Variants in BTBD9 observed in about 807,000 individuals in gnomAD.
BTBD9 encodes BTB/POZ domain-containing protein 9.
In BTBD9, 49 loss-of-function variants were observed where a neutral mutation model predicts 64.3. The ratio of observed to expected loss-of-function variants is 0.76; its 90% confidence interval spans 0.61 to 0.97. The LOEUF (loss-of-function observed/expected upper bound fraction) is 0.97, where lower values mean the gene tolerates loss of function less well. Among genes scored for constraint, BTBD9 ranks in the 50% least tolerant of loss-of-function variants. The pLI is 0.00. For synonymous variants in BTBD9, 260 were observed against 274.7 expected (o/e 0.95, Z 0.53); for missense variants, 598 against 762.1 (o/e 0.78, Z 2.53).
chr6:38,539,067 A>C (rs929076146), intron 6 of BTBD9, among the ~76,000 whole-genome samples: 1 of 152,118 alleles, frequency 6.6e-6, no homozygotes, highest in Admixed American at 6.5e-5. Flanking sequence ...CAGCCTCCCA[A>C]AGTGCTGGGA....
chr6:38,335,401 C>T lies in BTBD9; in HGVS notation c.1264+9583G>A, dbSNP rs140625944. ...CTGAGTAGCTGGAGCTACAGGCGTG[C>T]ACCACCAAACCTGGTTAATTTTTGT... On this transcript the variant is annotated intron_variant, in intron 7 of 10. Transcript: ENST00000481247. Among the ~76,000 whole-genome samples, 541 of 152,042 alleles carry T rather than the reference C, an allele frequency of 3.6e-3. 3 individuals are homozygous for T. The highest frequency in any genetic ancestry group is 0.012 in the African/African-American group (513 of 41,480).
chr6:38,377,286 G>A (rs1044735941), intron 6 of BTBD9, among the ~76,000 whole-genome samples: 7 of 151,972 alleles, frequency 4.6e-5, no homozygotes, highest in Non-Finnish European at 5.9e-5. Flanking sequence ...AAACCATGTC[G>A]GTCACAGCAA....
chr6:38,434,800 G>C (rs1396257193), intron 6 of BTBD9, among the ~76,000 whole-genome samples: 1 of 151,928 alleles, frequency 6.6e-6, no homozygotes, highest in Non-Finnish European at 1.5e-5. Flanking sequence ...GTTTTATATA[G>C]ACAGATATAT....
chr6:38,639,561 C>T (rs1778653391), intron 1 of BTBD9, among the ~76,000 whole-genome samples: 1 of 152,208 alleles, frequency 6.6e-6, no homozygotes. Flanking sequence ...ACCCCGAATC[C>T]CCGAAACGTC....
rs868201069 is a variant in BTBD9 at position 38,496,600 on chromosome 6, G to A, written c.1154+81000C>T. Among the ~76,000 whole-genome samples, 8 of 149,986 alleles carry A rather than the reference G, an allele frequency of 5.3e-5. 1 individual carries two copies. The South Asian group carries it at 1.5e-3, about 28-fold the overall frequency. On this transcript the variant is annotated intron_variant, in intron 6 of 10. Transcript: ENST00000481247. Reference sequence around the variant, plus strand: ...GGAGGTTGAGGCTGCAGCAGGACATGATCACACCACTGCACTGCACTGCAG... The same window carrying A: ...GGAGGTTGAGGCTGCAGCAGGACATAATCACACCACTGCACTGCACTGCAG...
At chr6:38,531,194 G>A (rs188421640) in intron 6 of BTBD9, among the ~76,000 whole-genome samples, 1 of 152,156 alleles carries the variant, frequency 6.6e-6, no homozygotes, top group South Asian at 2.1e-4. Flanking sequence ...CGAAGGTCTA[G>A]GATAAAGAAA....
intron 6 of BTBD9, among the ~76,000 whole-genome samples, chr6:38,451,725 T>C (rs764313389): frequency 6.6e-6 from 1 of 152,184 alleles, no homozygotes; most frequent in Non-Finnish European, 1.5e-5. Flanking sequence ...TTCTGTTCCA[T>C]CCACCTCTCT....
intron 7 of BTBD9, among the ~76,000 whole-genome samples, chr6:38,305,869 T>C (rs1477230090): frequency 6.6e-6 from 1 of 152,214 alleles, no homozygotes; most frequent in African/African-American, 2.4e-5. Context: ...CAGAAGATGT[T>C]TGTATCAAAT....
chr6:38,481,346 C>T (rs889094662), intron 6 of BTBD9, among the ~76,000 whole-genome samples: 2 of 152,116 alleles, frequency 1.3e-5, no homozygotes, highest in Non-Finnish European at 2.9e-5. Context: ...TGGCACAGCA[C>T]AGTGAGTGCA....
chr6:38,183,300 T>A (rs916237960), intron 10 of BTBD9, among the ~76,000 whole-genome samples: 5 of 152,230 alleles, frequency 3.3e-5, no homozygotes, highest in African/African-American at 9.6e-5. Flanking sequence ...TTTATAATTA[T>A]GAAACAAACT....
chr6:38,289,160 C>T (rs1761866123), intron 7 of BTBD9, among the ~76,000 whole-genome samples: 1 of 152,000 alleles, frequency 6.6e-6, no homozygotes, highest in South Asian at 2.1e-4. Context: ...ATAGCTTGAG[C>T]TCAGGAGTTC....
At chr6:38,578,187 A>G (rs980719310) in intron 5 of BTBD9, among the ~76,000 whole-genome samples, 1 of 152,142 alleles carries the variant, frequency 6.6e-6, no homozygotes, top group African/African-American at 2.4e-5. Context: ...TAAGGAAGAA[A>G]GTCAACTTGG....
chr6:38,636,162 T>C (rs1333940399), intron 1 of BTBD9, among the ~76,000 whole-genome samples: 2 of 152,224 alleles, frequency 1.3e-5, no homozygotes, highest in African/African-American at 4.8e-5. Context: ...ATAAGAAGCC[T>C]AGGCTTAGAG....
chr6:38,235,948 T>C (rs1363245937), intron 9 of BTBD9, among the ~76,000 whole-genome samples: 1 of 152,062 alleles, frequency 6.6e-6, no homozygotes, highest in Non-Finnish European at 1.5e-5. Flanking sequence ...ATAGTGACAA[T>C]GAAAGACCCC....
At chr6:38,346,229 A>G (rs1305585402) in intron 6 of BTBD9, among the ~76,000 whole-genome samples, 1 of 152,186 alleles carries the variant, frequency 6.6e-6, no homozygotes, top group Non-Finnish European at 1.5e-5. Context: ...TAATTTCCTT[A>G]CATTTCTCAT....
intron 6 of BTBD9, among the ~76,000 whole-genome samples, chr6:38,383,093 C>T (rs1294224160): frequency 6.6e-6 from 1 of 152,110 alleles, no homozygotes; most frequent in Non-Finnish European, 1.5e-5. Flanking sequence ...TTCTAGTTGA[C>T]CTCATAAACA....
chr6:38,530,329 A>G (rs1472297931), intron 6 of BTBD9, among the ~76,000 whole-genome samples: 1 of 152,056 alleles, frequency 6.6e-6, no homozygotes, highest in Non-Finnish European at 1.5e-5. Context: ...GAAGCATGTG[A>G]TCTTTGTTAG....
intron 6 of BTBD9, among the ~76,000 whole-genome samples, chr6:38,439,342 G>A (rs1477145255): frequency 6.6e-6 from 1 of 151,500 alleles, no homozygotes; most frequent in Non-Finnish European, 1.5e-5. Context: ...TGGTCAGGCT[G>A]CTGTCGAACT....
intron 6 of BTBD9, among the ~76,000 whole-genome samples, chr6:38,512,849 T>C (rs953370654): frequency 2.0e-5 from 3 of 152,224 alleles, no homozygotes; most frequent in African/African-American, 4.8e-5. Flanking sequence ...AGTACTTCCA[T>C]ATAGCTTAAT....
Sources: gnomAD v4.1 joint callset for allele counts (sites outside exome capture counted in the v4.1 genomes callset) on GRCh38, gnomAD v4.1.1 for gene constraint, MANE v1.5 for transcripts, NCBI Gene and HGNC (gene_info 2026-07-23, HGNC 2026-07-21) for gene names.